ZNF783: variants seen among roughly 807,000 people sequenced by gnomAD.
ZNF783 encodes the protein zinc finger protein 783.
Under a neutral mutation model 31.3 loss-of-function variants are expected in ZNF783, and 25 were observed. The ratio of observed to expected loss-of-function variants is 0.80; its 90% CI spans 0.58 to 1.11. The LOEUF (loss-of-function observed/expected upper bound fraction) is 1.11, where lower values mean the gene tolerates loss of function less well. ZNF783 is among the 50% of genes most tolerant of loss of function. The pLI is 0.00. For synonymous variants in ZNF783, 369 were observed against 319.1 expected (o/e 1.16, Z -1.66); for missense variants, 797 against 760.0 (o/e 1.05, Z -0.57).
Position 149,278,510 on chromosome 7 carries a change from C to T in ZNF783, c.785C>T (p.Pro262Leu). ...CAGGACTCAGAGGCGAGAGTGGCCC[C>T]AGCCGGGCCAGAAGCAGGTGAGTGA... ...QQQDSEARVA[P>L]AGPEAGGGVA... is the part of the protein sequence containing the mutation. The change falls in exon 5 of 6, where the codon CCA becomes CTA. Residue 262 changes from proline (P) to leucine (L), a missense_variant. Coordinates refer to ENST00000434415, the MANE Select transcript of ZNF783 (RefSeq NM_001195220.2). The T allele has an allele frequency of 6.3e-7, 1 of 1,599,294 alleles. No individual in the cohort carries two copies. The highest frequency in any genetic ancestry group is 8.5e-7 in the Non-Finnish European group (1 of 1,179,746).
At chr7:149,263,214 A>G (rs893540574) in intron 1 of ZNF783, among the ~76,000 whole-genome samples, 113 of 151,586 alleles carry the variant, frequency 7.5e-4, no homozygotes, top group African/African-American at 2.5e-3. Flanking sequence ...GACGAGAGCT[A>G]CCGCGCCCGG....
Position 149,282,473 on chromosome 7 carries a change from T to G in ZNF783, c.*130T>G. Reference sequence around the variant, plus strand: ...TCAAATGGGAAGCTAGCTGCCCTTCTGGTGACATTGTGTGTGACCGGGTGC... The same window carrying G: ...TCAAATGGGAAGCTAGCTGCCCTTCGGGTGACATTGTGTGTGACCGGGTGC... On this transcript the variant is annotated 3_prime_UTR_variant, in exon 6 of 6. Transcript: ENST00000434415. 3.7e-6 allele frequency: 3 copies of G among 810,226 alleles called. No individual in the cohort carries two copies. The highest frequency in any genetic ancestry group is 3.8e-5 in the South Asian group (2 of 52,296). 50.2% of individuals were successfully genotyped at this position (810,226 alleles called of 1,614,324 possible).
chr7:149,282,113 T>G lies in ZNF783; in HGVS notation c.1411T>G (p.Cys471Gly). 1 of 1,598,478 alleles carries G rather than the reference T, an allele frequency of 6.3e-7. No homozygotes were observed. The highest frequency in any genetic ancestry group is 8.5e-7 in the Non-Finnish European group (1 of 1,179,146). ...CCAGGGCTGGCCCGCCTGCCCCTAC[T>G]GCGGCAAGGCCTTCCGCCGGCCCTC... ...NGQGWPACPY[C>G]GKAFRRPSDL... is the part of the protein sequence containing the mutation. Residue 471 changes from cysteine to glycine, a missense_variant, in exon 6 of 6, where the codon TGC becomes GGC. Transcript: ENST00000434415.
Position 149,284,242 on chromosome 7 carries a change from T to G in ZNF783, c.*1899T>G, listed in dbSNP as rs1797550219. 1 of 152,334 alleles carries G rather than the reference T, an allele frequency of 6.6e-6. No individual in the cohort carries two copies. Among genetic ancestry groups the G allele is most frequent in the African/African-American group, 2.4e-5 (1 of 41,456 alleles). The allele number at this position is 152,334 out of a possible 1,614,324, so 9.4% of individuals were successfully genotyped here. On this transcript the variant is annotated 3_prime_UTR_variant, in exon 6 of 6. Coordinates refer to ENST00000434415, the MANE Select transcript of ZNF783 (RefSeq NM_001195220.2). Reference sequence around the variant, plus strand: ...TGTGACCACGCTTCAGGGCTGCTTCTGGGGGTCTTGGTCCCTGGATGTGCC... The same window carrying G: ...TGTGACCACGCTTCAGGGCTGCTTCGGGGGGTCTTGGTCCCTGGATGTGCC...
Position 149,279,356 on chromosome 7 carries a change from G to A in ZNF783, c.802+829G>A, listed in dbSNP as rs570576561. On this transcript the variant is annotated intron_variant, in intron 5 of 5. Transcript: ENST00000434415. Reference sequence around the variant, plus strand: ...GCCTCCCAACCCTCTGTTCTTTTCAGGCTCATCAGGGTGACAGATGCTGAG... The same window carrying A: ...GCCTCCCAACCCTCTGTTCTTTTCAAGCTCATCAGGGTGACAGATGCTGAG... 2.6e-5 allele frequency among the ~76,000 whole-genome samples: 4 copies of A among 152,352 alleles called. No individual in the cohort carries two copies. The South Asian group carries it at 8.3e-4, about 32-fold the overall frequency.
Position 149,281,794 on chromosome 7 carries a change from G to T in ZNF783, c.1092G>T (p.Leu364=), listed in dbSNP as rs1183233937. The stretch of plus-strand genomic sequence containing the variant: ...AGAGCTTCCGCCTGAAGATCAATCT[G>T]ACGATTCATCAGCGGACCCATGTGG... ...CGQSFRLKIN[L]TIHQRTHVEE... The change falls in exon 6 of 6, where the codon CTG becomes CTT. Residue 364 remains leucine (L), a synonymous_variant. Coordinates refer to ENST00000434415, the MANE Select transcript of ZNF783 (RefSeq NM_001195220.2). 6.6e-7 allele frequency: 1 copy of T among 1,517,358 alleles called. No individual in the cohort carries two copies. The highest frequency in any genetic ancestry group is 2.2e-5 in the Admixed American group (1 of 46,494). 94.0% of individuals were successfully genotyped at this position (1,517,358 alleles called of 1,614,324 possible).
chr7:149,281,675 G>C lies in ZNF783; in HGVS notation c.973G>C (p.Ala325Pro), dbSNP rs202079265. 7.5e-4 allele frequency: 1,129 copies of C among 1,508,300 alleles called. 5 individuals are homozygous for C. The African/African-American group carries it at 0.01, about 14-fold the overall frequency. The allele number at this position is 1,508,300 out of a possible 1,614,324, so 93.4% of individuals were successfully genotyped here. ...GGCCCAGGGCATGCCCAGGGTGCGG[G>C]CAGGGGAGCCACGGCCACCGGGGGC... ...HQAQGMPRVR[A>P]GEPRPPGASG... Residue 325 changes from alanine to proline, a missense_variant, in exon 6 of 6, where the codon GCA becomes CCA. Coordinates refer to ENST00000434415, the MANE Select transcript of ZNF783 (RefSeq NM_001195220.2).
At chr7:149,271,420 G>A (rs1797208636) in intron 4 of ZNF783, among the ~76,000 whole-genome samples, 1 of 152,140 alleles carries the variant, frequency 6.6e-6, no homozygotes. Context: ...GACTTCCATT[G>A]AAATACAAGA....
At chr7:149,279,071 C>G (rs973968373) in intron 5 of ZNF783, among the ~76,000 whole-genome samples, 1 of 152,316 alleles carries the variant, frequency 6.6e-6, no homozygotes, top group East Asian at 1.9e-4. Flanking sequence ...CAGTCCAGAG[C>G]TCTGTTCTCT....
At chr7:149,263,650 G>C (rs1356266808) in intron 1 of ZNF783, among the ~76,000 whole-genome samples, 1 of 152,048 alleles carries the variant, frequency 6.6e-6, no homozygotes, top group Non-Finnish European at 1.5e-5. Flanking sequence ...CAGTTTAGCA[G>C]ATTTTAGAAT....
intron 5 of ZNF783, among the ~76,000 whole-genome samples, chr7:149,280,600 C>T (rs529308001): frequency 6.6e-6 from 1 of 152,336 alleles, no homozygotes; most frequent in South Asian, 2.1e-4. Context: ...CATGAAAACC[C>T]AGGCATCAGA....
intron 1 of ZNF783, 92 bp downstream of exon 1, chr7:149,262,449 G>A: frequency 1.9e-6 from 2 of 1,051,726 alleles, no homozygotes; most frequent in Non-Finnish European, 2.4e-6. Context: ...AGGCCGCGGG[G>A]TGAGAGGGCC....
chr7:149,278,383 G>T lies in ZNF783; in HGVS notation c.674-16G>T. On this transcript the variant is annotated splice_polypyrimidine_tract_variant and intron_variant, in intron 4 of 5. Transcript: ENST00000434415. ...CCTCCATGTTGTGCTCAATGTCACT[G>T]ATTTACATTCTCCAGGCCTCCCTCC... 6.3e-7 allele frequency: 1 copy of T among 1,598,916 alleles called. No individual in the cohort carries two copies. The highest frequency in any genetic ancestry group is 1.1e-5 in the South Asian group (1 of 90,902).
rs1797382539 is a variant in ZNF783, at chr7:149,278,399, GC to G, written c.676del (p.Leu226SerfsTer19). The G allele has an allele frequency of 3.8e-6, 6 of 1,599,206 alleles. No individual in the cohort carries two copies. Among genetic ancestry groups the G allele is most frequent in the Non-Finnish European group, 5.1e-6 (6 of 1,179,690 alleles). On this transcript the variant is annotated frameshift_variant and splice_region_variant, in exon 5 of 6. Coordinates refer to ENST00000434415, the MANE Select transcript of ZNF783 (RefSeq NM_001195220.2). LOFTEE classifies it high-confidence loss of function. ...AATGTCACTGATTTACATTCTCCAG[GC>G]CTCCCTCCGTATCCAGAGCACCTCA... ...EVGRPRMMGT[G>X]LPPYPEHLTS... is the part of the protein sequence containing the mutation.
chr7:149,281,555 C>T lies in ZNF783; in HGVS notation c.853C>T (p.Pro285Ser). 1 of 1,487,536 alleles carries T rather than the reference C, an allele frequency of 6.7e-7. No homozygotes were observed. The highest frequency in any genetic ancestry group is 1.5e-5 in the African/African-American group (1 of 68,952). 92.1% of individuals were successfully genotyped at this position (1,487,536 alleles called of 1,614,324 possible). Residue 285 changes from proline (P) to serine (S), a missense_variant, in exon 6 of 6, where the codon CCT becomes TCT. Transcript: ENST00000434415. ...GGCACAGTCTGAAGACGAGATGACG[C>T]CTGAGCGGCTCTTTCTGGGGGTGTC... The part of the protein sequence containing the change: ...TEAQSEDEMT[P>S]ERLFLGVSRG...
intron 5 of ZNF783, among the ~76,000 whole-genome samples, chr7:149,279,632 G>GTTT (rs764203926): frequency 1.9e-4 from 19 of 100,322 alleles, no homozygotes; most frequent in African/African-American, 4.8e-4. Context: ...TTTTATCTTT[G>GTTT]TTTTTTTTTT....
chr7:149,276,050 C>G (rs943395003), intron 4 of ZNF783, among the ~76,000 whole-genome samples: 6 of 152,138 alleles, frequency 3.9e-5, no homozygotes, highest in African/African-American at 1.4e-4. Context: ...CCACCACACC[C>G]AGCTCATTTT....
At position 149,266,858 on chromosome 7, in the gene ZNF783, G is replaced by GAGCTGGAGTGGGGCA; in HGVS notation, c.469_483dup (p.Trp157_Glu161dup). On this transcript the variant is annotated inframe_insertion, in exon 3 of 6. Transcript: ENST00000434415. ...CGATGATGTGGCCGTGTATTTCTCT[G>GAGCTGGAGTGGGGCA]AGCTGGAGTGGGGCAAGCTGGAGGA... is the stretch of plus-strand genomic sequence containing the variant. 1 of 1,614,094 alleles carries GAGCTGGAGTGGGGCA rather than the reference G, an allele frequency of 6.2e-7. No individual in the cohort carries two copies. The highest frequency in any genetic ancestry group is 8.5e-7 in the Non-Finnish European group (1 of 1,180,022).
At chr7:149,265,512 G>C (rs1797042740) in intron 1 of ZNF783, among the ~76,000 whole-genome samples, 1 of 152,100 alleles carries the variant, frequency 6.6e-6, no homozygotes, top group African/African-American at 2.4e-5. Flanking sequence ...ATCCTCACGT[G>C]GCATACAGCA....
Sources: allele counts gnomAD v4.1 joint callset (sites outside exome capture counted in the v4.1 genomes callset), GRCh38; gene constraint gnomAD v4.1.1; transcripts MANE v1.5; gene names NCBI Gene and HGNC (gene_info 2026-07-23, HGNC 2026-07-21).